The following FAM53B variants were observed in gnomAD, a reference collection of about 807,000 sequenced individuals.
The protein encoded by FAM53B is family with sequence similarity 53 member B.
FAM53B carries 12 observed loss-of-function variants against 32.7 expected under a neutral mutation model. The observed-to-expected ratio is 0.37, with a 90% CI of 0.24 to 0.59. The LOEUF is 0.59. Among genes scored for constraint, FAM53B ranks in the 20% least tolerant of loss-of-function variants. FAM53B has a pLI of 0.72. For missense variants in FAM53B, 477 were observed against 577.7 expected (o/e 0.83, Z 1.79); for synonymous variants, 234 against 228.7 (o/e 1.02, Z -0.21).
chr10:124,723,313 A>C (rs918757274), intron 1 of FAM53B, among the ~76,000 whole-genome samples: 1 of 152,364 alleles, frequency 6.6e-6, no homozygotes, highest in Non-Finnish European at 1.5e-5. Flanking sequence ...TCTTGGTGCC[A>C]GAGATACTGA....
At chr10:124,684,115 G>A (rs1342959279) in intron 3 of FAM53B, among the ~76,000 whole-genome samples, 2 of 152,250 alleles carry the variant, frequency 1.3e-5, no homozygotes, top group Non-Finnish European at 2.9e-5. Flanking sequence ...AGGGGCTGGG[G>A]ACCCTGACAG....
chr10:124,660,893 A>C (rs1949626805), intron 4 of FAM53B, among the ~76,000 whole-genome samples: 1 of 152,176 alleles, frequency 6.6e-6, no homozygotes, highest in South Asian at 2.1e-4. Context: ...ATCCAGGCAG[A>C]GCTGTGTACC....
intron 3 of FAM53B, among the ~76,000 whole-genome samples, chr10:124,683,145 T>C (rs141716492): frequency 2.6e-5 from 4 of 152,370 alleles, no homozygotes; most frequent in Non-Finnish European, 4.4e-5. Flanking sequence ...AGGTCTTTAC[T>C]TGAATACACA....
intron 1 of FAM53B, among the ~76,000 whole-genome samples, chr10:124,723,940 CTCTGGGCATTA>C (rs1383612302): frequency 1.3e-5 from 2 of 152,252 alleles, no homozygotes; most frequent in Non-Finnish European, 2.9e-5. Flanking sequence ...TTGTGCTTCT[CTCTGGGCATTA>C]TTTCCTCCCG....
At chr10:124,708,435 G>C (rs1364411493) in intron 1 of FAM53B, among the ~76,000 whole-genome samples, 1 of 152,184 alleles carries the variant, frequency 6.6e-6, no homozygotes, top group Non-Finnish European at 1.5e-5. Context: ...TTCAGGAAGG[G>C]AGCCCCGGGG....
At chr10:124,680,138 A>G (rs1164509911) in intron 4 of FAM53B, among the ~76,000 whole-genome samples, 1 of 152,194 alleles carries the variant, frequency 6.6e-6, no homozygotes, top group Non-Finnish European at 1.5e-5. Flanking sequence ...TCCAGCTAGT[A>G]AAGTCAAAAA....
chr10:124,626,413 A>C (rs1287623404), intron 4 of FAM53B, among the ~76,000 whole-genome samples: 6 of 120,180 alleles, frequency 5.0e-5, no homozygotes, highest in Non-Finnish European at 7.3e-5. Flanking sequence ...ACCATTCCTC[A>C]GTGCAAAAGG....
intron 4 of FAM53B, among the ~76,000 whole-genome samples, chr10:124,634,829 TA>T (rs1287069112): frequency 2.0e-5 from 3 of 152,162 alleles, no homozygotes; most frequent in Non-Finnish European, 4.4e-5. Context: ...TTTGAGGTGA[TA>T]AAAATGTTCT....
At chr10:124,736,982 C>G (rs1242212825) in intron 1 of FAM53B, among the ~76,000 whole-genome samples, 2 of 152,232 alleles carry the variant, frequency 1.3e-5, no homozygotes, top group Non-Finnish European at 2.9e-5. Context: ...GAATACAGGG[C>G]TGAGGTCAGC....
At position 124,623,278 on chromosome 10, in the gene FAM53B, G is replaced by A. The variant is rs141374586; in HGVS notation, c.1233C>T (p.Asp411=). 997 of 1,610,712 alleles carry A rather than the reference G, an allele frequency of 6.2e-4. 7 individuals are homozygous for A. In the African/African-American group the frequency reaches 0.011, roughly 17 times the overall value. Residue 411 remains aspartate (D), a synonymous_variant, in exon 5 of 5, where the codon GAC becomes GAT. Transcript: ENST00000337318. ...CTATCTGCTCAATGTCCAACTCGCCGTCCAGGGAGCAGAGGCTGTTCCCAG... is the reference window on the plus strand; with the variant it reads ...CTATCTGCTCAATGTCCAACTCGCCATCCAGGGAGCAGAGGCTGTTCCCAG... ...GAPGNSLCSL[D]GELDIEQIEK...
At chr10:124,715,909 C>T (rs1011701508) in intron 1 of FAM53B, among the ~76,000 whole-genome samples, 3 of 152,238 alleles carry the variant, frequency 2.0e-5, no homozygotes, top group African/African-American at 7.2e-5. Flanking sequence ...CAATTCCTAG[C>T]AGGGCATAGG....
intron 4 of FAM53B, chr10:124,671,025 G>C (rs374216962): frequency 2.5e-6 from 1 of 408,142 alleles, no homozygotes; most frequent in South Asian, 1.7e-5. Context: ...GAGATCTCCC[G>C]CCCCGCTGGA....
intron 1 of FAM53B, among the ~76,000 whole-genome samples, chr10:124,720,906 T>TTCAGAAA: frequency 6.6e-6 from 1 of 152,270 alleles, no homozygotes; most frequent in East Asian, 1.9e-4. Flanking sequence ...ACCGCTAAAG[T>TTCAGAAA]TCAGAAATCT....
intron 2 of FAM53B, among the ~76,000 whole-genome samples, chr10:124,697,412 C>A (rs1949880838): frequency 6.6e-6 from 1 of 152,114 alleles, no homozygotes; most frequent in Non-Finnish European, 1.5e-5. Context: ...GAGGATGGGG[C>A]TGACTAGGAA....
rs1054277149 is a variant in FAM53B at position 124,733,834 on chromosome 10, G to A, written c.-175+10179C>T. On this transcript the variant is annotated intron_variant, in intron 1 of 4. Transcript: ENST00000337318. This position sits in a 1 kb window ranked among gnomAD's most constrained non-coding sequence, Gnocchi z 4.3. ...AAGGTGGGCTTTCTCCCAGCCCTTC[G>A]CCCTTCCCTTTACTGCCATCCTGAC... 1.3e-5 allele frequency among the ~76,000 whole-genome samples: 2 copies of A among 152,146 alleles called. No homozygotes were observed. The highest frequency in any genetic ancestry group is 2.4e-5 in the African/African-American group (1 of 41,430).
chr10:124,664,305 G>A (rs1038916579), intron 4 of FAM53B, among the ~76,000 whole-genome samples: 9 of 152,166 alleles, frequency 5.9e-5, no homozygotes, highest in East Asian at 1.9e-4. Flanking sequence ...GCTGGGGCCC[G>A]CTTACCCCAG....
chr10:124,714,019 T>C (rs570262336), intron 1 of FAM53B: 36 of 152,318 alleles, frequency 2.4e-4, no homozygotes, highest in African/African-American at 7.9e-4. Flanking sequence ...GAAGCAAGTA[T>C]ATGAACATTT....
At chr10:124,668,275 G>A (rs185781452) in intron 4 of FAM53B, among the ~76,000 whole-genome samples, 2 of 152,164 alleles carry the variant, frequency 1.3e-5, no homozygotes, top group African/African-American at 4.8e-5. Context: ...CGGCCATCTC[G>A]CCCCTTGGCC....
intron 4 of FAM53B, among the ~76,000 whole-genome samples, chr10:124,667,657 C>CTGTG (rs1384506683): frequency 6.6e-6 from 1 of 152,222 alleles, no homozygotes; most frequent in Non-Finnish European, 1.5e-5. Context: ...TACAGCCTCC[C>CTGTG]AGCCCCGCCC....
Sources: allele counts gnomAD v4.1 joint callset (sites outside exome capture counted in the v4.1 genomes callset), GRCh38; gene constraint gnomAD v4.1.1; non-coding constraint Gnocchi (gnomAD v3.1); transcripts MANE v1.5; gene names NCBI Gene and HGNC (gene_info 2026-07-23, HGNC 2026-07-21).